Variants in FAM227B observed in about 807,000 individuals in gnomAD.
FAM227B encodes the protein protein FAM227B.
A neutral mutation model predicts 73.8 loss-of-function variants in FAM227B; 88 were observed. The observed-to-expected ratio is 1.19, with a 90% CI of 1.00 to 1.42. The LOEUF is 1.42. FAM227B is among the 40% of genes most tolerant of loss of function. The probability of loss-of-function intolerance (pLI) is 0.00; values close to 1 mark genes in which losing one functional copy is unlikely to be tolerated. For synonymous variants in FAM227B, 210 were observed against 190.5 expected (o/e 1.10, Z -0.84); for missense variants, 632 against 590.9 (o/e 1.07, Z -0.72).
chr15:49,616,087 TGG>T (rs1360506734), intron 1 of FAM227B, among the ~76,000 whole-genome samples: 2 of 152,202 alleles, frequency 1.3e-5, no homozygotes, highest in East Asian at 3.9e-4. Flanking sequence ...CCTGAAATTA[TGG>T]GGGAGTTTTA....
intron 2 of FAM227B, among the ~76,000 whole-genome samples, chr15:49,612,571 T>C (rs769562754): frequency 6.6e-6 from 1 of 152,126 alleles, no homozygotes; most frequent in Non-Finnish European, 1.5e-5. Context: ...TAGATGAATG[T>C]CAGAAATATA....
rs377719628 is a variant in FAM227B, at chr15:49,568,234, T to G, written c.747+11A>C. On this transcript the variant is annotated intron_variant, in intron 9 of 15. Coordinates refer to ENST00000299338, the MANE Select transcript of FAM227B (RefSeq NM_152647.3). Reference sequence around the variant, plus strand: ...AAAATAATTAGCATAACTGTTAATTTCAATGCTTACCTGAAAAAATGCATC... The same window carrying G: ...AAAATAATTAGCATAACTGTTAATTGCAATGCTTACCTGAAAAAATGCATC... 21 of 1,590,664 alleles carry G rather than the reference T, an allele frequency of 1.3e-5. No individual in the cohort carries two copies. The highest frequency in any genetic ancestry group is 1.6e-5 in the Non-Finnish European group (19 of 1,164,754).
chr15:49,439,141 T>C (rs1421180606), intron 11 of FAM227B, among the ~76,000 whole-genome samples: 1 of 151,606 alleles, frequency 6.6e-6, no homozygotes, highest in East Asian at 2.0e-4. Flanking sequence ...TCTCACATTG[T>C]TGTTGGCAGG....
At chr15:49,358,180 G>A (rs2043513583) in intron 13 of FAM227B, among the ~76,000 whole-genome samples, 1 of 151,562 alleles carries the variant, frequency 6.6e-6, no homozygotes, top group South Asian at 2.1e-4. Flanking sequence ...AGTGGCACAA[G>A]ACAGGGATGC....
At chr15:49,554,696 G>A (rs1013846338) in intron 9 of FAM227B, among the ~76,000 whole-genome samples, 1 of 152,154 alleles carries the variant, frequency 6.6e-6, no homozygotes, top group Admixed American at 6.5e-5. Context: ...ATTCCAGACT[G>A]CTTTTCCTAT....
Position 49,331,823 on chromosome 15 carries a change from G to C in FAM227B, c.1376C>G (p.Pro459Arg). The change falls in exon 15 of 16, where the codon CCT (proline) becomes CGT (arginine). Residue 459 changes from proline to arginine, a missense_variant. By Grantham distance (103) the Pro-to-Arg change is moderately radical. Transcript: ENST00000299338. ...CTCAAAGTCCTGTTTCACTTCATGAGGTTTCTTGGTAGCCTTTGCTTGGAG... is the reference window on the plus strand; with the variant it reads ...CTCAAAGTCCTGTTTCACTTCATGACGTTTCTTGGTAGCCTTTGCTTGGAG... The part of the protein sequence containing the change: ...RILQAKATKK[P>R]HEVKQDFEKF... 1.2e-6 allele frequency: 2 copies of C among 1,611,392 alleles called. No individual in the cohort carries two copies. Among genetic ancestry groups the C allele is most frequent in the Non-Finnish European group, 1.7e-6 (2 of 1,177,674 alleles).
At chr15:49,499,023 G>A (rs539908298) in intron 11 of FAM227B, among the ~76,000 whole-genome samples, 193 of 150,998 alleles carry the variant, frequency 1.3e-3, no homozygotes, top group Non-Finnish European at 2.2e-3. Flanking sequence ...AAAATTAGCC[G>A]GGCGTAGTGG....
Position 49,393,872 on chromosome 15 carries a change from CAT to C in FAM227B, c.1013-22475_1013-22474del, listed in dbSNP as rs1321153414. On this transcript the variant is annotated intron_variant, in intron 11 of 15. Coordinates refer to ENST00000299338, the MANE Select transcript of FAM227B (RefSeq NM_152647.3). ...GGAGAAGGACTGAGTTCTAGTAAAA[CAT>C]AATCTAAGAACCAATTTTATTTTTT... 8.5e-5 allele frequency among the ~76,000 whole-genome samples: 13 copies of C among 152,240 alleles called. No homozygotes were observed. The East Asian group carries it at 2.5e-3, about 29-fold the overall frequency.
intron 11 of FAM227B, among the ~76,000 whole-genome samples, chr15:49,371,861 ATAAATGAAATAAAAT>A (rs2045842495): frequency 1.4e-5 from 2 of 145,184 alleles, no homozygotes; most frequent in South Asian, 2.2e-4. Context: ...TCACTTATAA[ATAAATGAAATAAAAT>A]TCACTTATAA....
chr15:49,451,353 A>G (rs567277715), intron 11 of FAM227B, among the ~76,000 whole-genome samples: 2 of 152,054 alleles, frequency 1.3e-5, no homozygotes, highest in African/African-American at 4.8e-5. Flanking sequence ...TATCATAATG[A>G]TAAAGTATTT....
chr15:49,520,313 A>C (rs1402995739), intron 10 of FAM227B, among the ~76,000 whole-genome samples: 1 of 152,144 alleles, frequency 6.6e-6, no homozygotes, highest in Non-Finnish European at 1.5e-5. Flanking sequence ...GAGCCCTCCA[A>C]GTCTCCAGGA....
chr15:49,606,827 G>A (rs921964671), intron 3 of FAM227B, among the ~76,000 whole-genome samples: 2 of 152,160 alleles, frequency 1.3e-5, no homozygotes, highest in South Asian at 2.1e-4. Flanking sequence ...GAATGAAAAG[G>A]AAACAAGGGA....
intron 6 of FAM227B, chr15:49,577,179 C>T: frequency 3.6e-6 from 1 of 280,320 alleles, no homozygotes; most frequent in Non-Finnish European, 7.0e-6. Flanking sequence ...TGCCTGTAAT[C>T]ACAGCTACTT....
intron 9 of FAM227B, among the ~76,000 whole-genome samples, chr15:49,550,836 G>A (rs1403750236): frequency 3.3e-5 from 5 of 150,280 alleles, no homozygotes; most frequent in East Asian, 2.2e-4. Flanking sequence ...CGTCCCAGAC[G>A]ATGGGCGGCC....
At chr15:49,489,695 G>C (rs2056717829) in intron 11 of FAM227B, among the ~76,000 whole-genome samples, 1 of 147,738 alleles carries the variant, frequency 6.8e-6, no homozygotes, top group Non-Finnish European at 1.5e-5. Flanking sequence ...GACCTAAAAA[G>C]ACTTGAAAAC....
At chr15:49,548,337 T>C (rs572589924) in intron 9 of FAM227B, among the ~76,000 whole-genome samples, 2 of 152,214 alleles carry the variant, frequency 1.3e-5, no homozygotes, top group South Asian at 2.1e-4. Flanking sequence ...GATTTGCATA[T>C]GTTGAACCAT....
chr15:49,423,040 G>A, intron 11 of FAM227B: 1 of 222,714 alleles, frequency 4.5e-6, no homozygotes, highest in Admixed American at 5.2e-5. Flanking sequence ...CAGAACCAGA[G>A]ATCTGTTTCT....
intron 10 of FAM227B, among the ~76,000 whole-genome samples, chr15:49,512,847 AGTTGCTTG>A (rs1430493601): frequency 1.3e-5 from 2 of 152,080 alleles, no homozygotes; most frequent in East Asian, 3.9e-4. Flanking sequence ...TGAGAACATG[AGTTGCTTG>A]GTTTTCTATT....
rs549424415 is a variant in FAM227B at position 49,394,526 on chromosome 15, C to T, written c.1013-23127G>A. On this transcript the variant is annotated intron_variant, in intron 11 of 15. Coordinates refer to ENST00000299338, the MANE Select transcript of FAM227B (RefSeq NM_152647.3). ...TAGGATTGTCTGACAGAATTAAGGC[C>T]GATTTGAGTTATATAATTATGAATT... Among the ~76,000 whole-genome samples, 21 of 152,018 alleles carry T rather than the reference C, an allele frequency of 1.4e-4. 1 individual carries two copies. The South Asian group carries it at 3.9e-3, about 29-fold the overall frequency.
Sources: allele counts gnomAD v4.1 joint callset (sites outside exome capture counted in the v4.1 genomes callset), GRCh38; gene constraint gnomAD v4.1.1; transcripts MANE v1.5; gene names NCBI Gene and HGNC (gene_info 2026-07-23, HGNC 2026-07-21).